NRG1: variants seen among roughly 807,000 people sequenced by gnomAD.
NRG1 encodes pro-neuregulin-1, membrane-bound isoform.
In NRG1, 18 loss-of-function variants were observed where a neutral mutation model predicts 63.8. That is an observed-to-expected ratio of 0.28 (90% confidence interval 0.19 to 0.42). NRG1 has a LOEUF of 0.42. Ranked by LOEUF, NRG1 falls within the 10% of genes least tolerant of loss-of-function variation. The probability of loss-of-function intolerance (pLI) is 1.00; values close to 1 mark genes in which losing one functional copy is unlikely to be tolerated. For missense variants in NRG1, 762 were observed against 814.7 expected (o/e 0.94, Z 0.79); for synonymous variants, 302 against 301.3 (o/e 1.00, Z -0.02).
intron 1 of NRG1, among the ~76,000 whole-genome samples, chr8:32,360,486 AATG>A (rs1807064106): frequency 1.3e-5 from 2 of 152,216 alleles, no homozygotes. Context: ...AAAGTATTAT[AATG>A]ATAGCAGGTA....
At chr8:32,733,317 T>A (rs1257891533) in intron 6 of NRG1, among the ~76,000 whole-genome samples, 1 of 152,178 alleles carries the variant, frequency 6.6e-6, no homozygotes, top group East Asian at 1.9e-4. Context: ...TTTTGTATAA[T>A]GAATGTTTAT....
chr8:32,346,550 G>A (rs1340487551), intron 1 of NRG1, among the ~76,000 whole-genome samples: 1 of 100,002 alleles, frequency 1.0e-5, no homozygotes, highest in Admixed American at 9.2e-5. Flanking sequence ...GGCATCTTTT[G>A]GGAAAAAAAA....
At chr8:31,756,083 C>T (rs1816937812) in intron 1 of NRG1, among the ~76,000 whole-genome samples, 1 of 152,140 alleles carries the variant, frequency 6.6e-6, no homozygotes, top group African/African-American at 2.4e-5. Flanking sequence ...ACACAATCTG[C>T]AAGATCCTTA....
At chr8:32,647,757 G>A (rs749243617) in intron 5 of NRG1, 1 of 1,596,098 alleles carries the variant, frequency 6.3e-7, no homozygotes, top group Non-Finnish European at 8.5e-7. Flanking sequence ...GGTCGCCGCC[G>A]AGAGGTCCTC....
intron 5 of NRG1, among the ~76,000 whole-genome samples, chr8:32,710,514 T>G (rs1041599727): frequency 6.6e-6 from 1 of 152,202 alleles, no homozygotes; most frequent in Admixed American, 6.5e-5. Flanking sequence ...ATATTTATAT[T>G]TGTATGTGCA....
intron 1 of NRG1, among the ~76,000 whole-genome samples, chr8:32,330,890 T>A (rs1472039293): frequency 6.6e-6 from 1 of 152,196 alleles, no homozygotes; most frequent in African/African-American, 2.4e-5. Context: ...TGGCTACCCA[T>A]GACATTTATT....
intron 1 of NRG1, among the ~76,000 whole-genome samples, chr8:31,996,690 A>G (rs1812021752): frequency 6.6e-6 from 1 of 152,020 alleles, no homozygotes; most frequent in African/African-American, 2.4e-5. Context: ...CCAGCACCTG[A>G]AAGACAGAGA....
intron 1 of NRG1, among the ~76,000 whole-genome samples, chr8:32,038,378 T>C (rs1819416548): frequency 6.6e-6 from 1 of 152,076 alleles, no homozygotes; most frequent in South Asian, 2.1e-4. Context: ...ACTTGCTCTT[T>C]TTGTTCTTGG....
intron 1 of NRG1, among the ~76,000 whole-genome samples, chr8:32,203,989 T>C (rs960858557): frequency 6.6e-5 from 10 of 152,098 alleles, no homozygotes; most frequent in African/African-American, 1.7e-4. Context: ...GATCAGATTA[T>C]TGAGAATGAA....
chr8:32,304,690 C>T (rs1200196900), intron 1 of NRG1, among the ~76,000 whole-genome samples: 1 of 151,870 alleles, frequency 6.6e-6, no homozygotes, highest in Non-Finnish European at 1.5e-5. Context: ...TGTTAAGTAC[C>T]TTGTGCCTGT....
intron 1 of NRG1, among the ~76,000 whole-genome samples, chr8:32,125,161 G>T (rs1395600926): frequency 4.0e-5 from 6 of 151,798 alleles, no homozygotes; most frequent in African/African-American, 1.4e-4. Flanking sequence ...GACACCAAAT[G>T]TGCTGGTGCC....
At chr8:31,895,607 G>A (rs984356125) in intron 1 of NRG1, among the ~76,000 whole-genome samples, 2 of 152,144 alleles carry the variant, frequency 1.3e-5, no homozygotes, top group African/African-American at 2.4e-5. Context: ...TTTACCTTTA[G>A]TGCAGTGGCC....
At chr8:32,127,995 A>G (rs574390793) in intron 1 of NRG1, among the ~76,000 whole-genome samples, 30 of 152,094 alleles carry the variant, frequency 2.0e-4, no homozygotes, top group African/African-American at 3.6e-4. Context: ...TGGATGGCTC[A>G]TCTAATAAAG....
chr8:32,233,832 T>C (rs552019592), intron 1 of NRG1, among the ~76,000 whole-genome samples: 6 of 152,064 alleles, frequency 3.9e-5, no homozygotes, highest in Non-Finnish European at 8.8e-5. Context: ...CCCAAAGTGC[T>C]GGGATTACAG....
At chr8:31,722,892 G>A (rs564192994) in intron 1 of NRG1, among the ~76,000 whole-genome samples, 72 of 152,190 alleles carry the variant, frequency 4.7e-4, no homozygotes, top group African/African-American at 1.7e-3. Flanking sequence ...CCTCTGTAGG[G>A]TGATTGATCA....
chr8:31,950,407 A>G (rs535839488), intron 1 of NRG1, among the ~76,000 whole-genome samples: 2 of 152,362 alleles, frequency 1.3e-5, no homozygotes, highest in Admixed American at 1.3e-4. Context: ...GATGGGAATA[A>G]AACTGAAAAG....
chr8:32,140,816 A>T (rs1195148736), intron 1 of NRG1, among the ~76,000 whole-genome samples: 3 of 152,124 alleles, frequency 2.0e-5, no homozygotes, highest in African/African-American at 7.2e-5. Context: ...ACTCAGGGTG[A>T]CAACCTCCAC....
intron 2 of NRG1, among the ~76,000 whole-genome samples, chr8:32,600,155 G>A (rs1391568636): frequency 6.6e-6 from 1 of 152,048 alleles, no homozygotes; most frequent in African/African-American, 2.4e-5. Flanking sequence ...GCACAGTGGT[G>A]TGTACCTGCA....
chr8:31,987,296 CAA>C (rs573116880), intron 1 of NRG1, among the ~76,000 whole-genome samples: 10 of 77,906 alleles, frequency 1.3e-4, no homozygotes, highest in Admixed American at 1.4e-4. Context: ...GAGACTGTCT[CAA>C]AAAAAAAAAA....
Sources: gnomAD v4.1 joint callset for allele counts (sites outside exome capture counted in the v4.1 genomes callset) on GRCh38, gnomAD v4.1.1 for gene constraint, MANE v1.5 for transcripts, NCBI Gene and HGNC (gene_info 2026-07-23, HGNC 2026-07-21) for gene names.